Variants in SOX30 observed in about 807,000 individuals in gnomAD.
SOX30 encodes the protein transcription factor SOX-30.
A neutral mutation model predicts 58.6 loss-of-function variants in SOX30; 17 were observed. That is an observed-to-expected ratio of 0.29 (90% confidence interval 0.20 to 0.44). The LOEUF (loss-of-function observed/expected upper bound fraction) is 0.44, where lower values mean the gene tolerates loss of function less well. Among genes scored for constraint, SOX30 ranks in the 20% least tolerant of loss-of-function variants. The pLI, the probability that SOX30 is intolerant of heterozygous loss-of-function variation, is 1.00. For synonymous variants in SOX30, 421 were observed against 400.2 expected, an observed-to-expected ratio of 1.05 and a Z score of -0.62; for missense variants, 951 against 965.8, an observed-to-expected ratio of 0.98 and a Z score of 0.20.
In SOX30 at chr5:157,651,481, C is replaced by A. The variant is rs1455291379; in HGVS notation, c.598G>T (p.Ala200Ser). Residue 200 changes from alanine (A) to serine (S), a missense_variant, in exon 1 of 5, where the codon GCA becomes TCA. Physicochemically the swap from Ala to Ser is moderately conservative, Grantham distance 99. This residue lies in a region of SOX30 where 363 missense variants were observed against 294.5 expected (regional missense o/e 1.23). Coordinates refer to ENST00000265007, the MANE Select transcript of SOX30 (RefSeq NM_178424.2). The stretch of plus-strand genomic sequence containing the variant: ...CGGATGGCTGCCGGGCTTTTGCCTG[C>A]CCCGCCTTGCATCGAGTCTCTCATG... ...EVMRDSMQGG[A>S]GKSPAAIREG... is the part of the protein sequence containing the mutation. 6.2e-7 allele frequency: 1 copy of A among 1,613,342 alleles called. No individual in the cohort carries two copies. The highest frequency in any genetic ancestry group is 1.3e-5 in the African/African-American group (1 of 74,950).
chr5:157,629,429 G>T (rs1338620139), intron 4 of SOX30, among the ~76,000 whole-genome samples: 3 of 152,010 alleles, frequency 2.0e-5, no homozygotes, highest in Non-Finnish European at 4.4e-5. Flanking sequence ...ATAAAATCTA[G>T]GTATATATTA....
chr5:157,636,151 G>A (rs1758921349), intron 4 of SOX30, among the ~76,000 whole-genome samples: 1 of 152,206 alleles, frequency 6.6e-6, no homozygotes, highest in Non-Finnish European at 1.5e-5. Flanking sequence ...AGTAGTAACA[G>A]CTAGAGTGAG....
chr5:157,638,328 G>C lies in SOX30; in HGVS notation c.1782C>G (p.Pro594=), dbSNP rs1415798752. Residue 594 remains proline, a synonymous_variant, in exon 4 of 5, where the codon CCC becomes CCG. Coordinates refer to ENST00000265007, the MANE Select transcript of SOX30 (RefSeq NM_178424.2). ...SPIPHPHVYQ[P]PPLGHPATLF... is the part of the protein sequence containing the mutation. The stretch of plus-strand genomic sequence containing the variant: ...GTGTGGCTGGATGGCCAAGGGGAGG[G>C]GGCTGGTAGACATGTGGGTGTGGAA... The C allele has an allele frequency of 6.2e-7, 1 of 1,612,264 alleles. No homozygotes were observed. The highest frequency in any genetic ancestry group is 8.5e-7 in the Non-Finnish European group (1 of 1,178,922).
intron 1 of SOX30, among the ~76,000 whole-genome samples, chr5:157,650,874 C>T (rs993699708): frequency 6.6e-6 from 1 of 152,194 alleles, no homozygotes; most frequent in South Asian, 2.1e-4. Context: ...TTAGTCCTAT[C>T]TAAATACTGG....
intron 3 of SOX30, among the ~76,000 whole-genome samples, chr5:157,639,038 C>G (rs577898237): frequency 5.1e-4 from 77 of 152,020 alleles, no homozygotes; most frequent in Non-Finnish European, 1.2e-4. Flanking sequence ...AGAAGAGGCC[C>G]TCAACAAATA....
At chr5:157,638,115 G>C in intron 4 of SOX30, 115 bp downstream of exon 4, 3 of 1,076,770 alleles carry the variant, frequency 2.8e-6, no homozygotes, top group Non-Finnish European at 3.9e-6. Context: ...CTAGTCAGCA[G>C]AATTGAAGAA....
rs145022337 is a variant in SOX30 at position 157,638,387 on chromosome 5, G to A, written c.1723C>T (p.Pro575Ser). ...GCCTGGGGGATTGGAGCACTTCTGG[G>A]ACAAGGGGAAACGCTGGAATACTCC... ...PREYSSVSPC[P>S]RSAPIPQASP... Residue 575 changes from proline to serine, a missense_variant, in exon 4 of 5, where the codon CCC becomes TCC. Coordinates refer to ENST00000265007, the MANE Select transcript of SOX30 (RefSeq NM_178424.2). 72 of 1,613,810 alleles carry A rather than the reference G, an allele frequency of 4.5e-5. No homozygotes were observed. The African/African-American group carries it at 8.1e-4, about 18-fold the overall frequency.
In SOX30 at chr5:157,652,119, G is replaced by T. The variant is rs950573994; in HGVS notation, c.-41C>A. ...CCCGGCCAGGATTGTGAGCTCAGCC[G>T]TTTGTTGGCGACCTTCCCCCTCCCC... On this transcript the variant is annotated 5_prime_UTR_variant, in exon 1 of 5. Coordinates refer to ENST00000265007, the MANE Select transcript of SOX30 (RefSeq NM_178424.2). 32 of 1,384,784 alleles carry T rather than the reference G, an allele frequency of 2.3e-5. No individual in the cohort carries two copies. The African/African-American group carries it at 4.1e-4, about 18-fold the overall frequency. The allele number at this position is 1,384,784 out of a possible 1,614,324, so 85.8% of individuals were successfully genotyped here.
intron 2 of SOX30, among the ~76,000 whole-genome samples, chr5:157,660,916 A>T (rs184855426): frequency 6.6e-6 from 1 of 152,228 alleles, no homozygotes; most frequent in South Asian, 2.1e-4. Context: ...CCTTGATGAT[A>T]CTGTATTTTC....
intron 4 of SOX30, among the ~76,000 whole-genome samples, chr5:157,628,369 A>T (rs1372595064): frequency 1.4e-5 from 1 of 69,546 alleles, no homozygotes; most frequent in Non-Finnish European, 2.3e-5. Flanking sequence ...TGGCCTTCAC[A>T]CACACACACA....
rs956036556 is a variant in SOX30 at position 157,651,320 on chromosome 5, C to A, written c.759G>T (p.Pro253=). 1.2e-6 allele frequency: 2 copies of A among 1,613,938 alleles called. No individual in the cohort carries two copies. The highest frequency in any genetic ancestry group is 1.7e-6 in the Non-Finnish European group (2 of 1,180,038). ...AAGGGATCCTAAGGTCTTGCTGGTG[C>A]GGCCCAAAGGCACCGGACGTTGGGG... ...ILAPTSGAFG[P]HQQDLRIPLT... is the part of the protein sequence containing the mutation. The change falls in exon 1 of 5, where the codon CCG becomes CCT. Residue 253 remains proline, a synonymous_variant. Coordinates refer to ENST00000265007, the MANE Select transcript of SOX30 (RefSeq NM_178424.2).
At chr5:157,651,046 C>A in intron 1 of SOX30, 66 bp downstream of exon 1, 1 of 1,241,850 alleles carries the variant, frequency 8.1e-7, no homozygotes, top group Non-Finnish European at 1.1e-6. Context: ...TTGGGAACTG[C>A]TGACAAAACA....
intron 4 of SOX30, among the ~76,000 whole-genome samples, chr5:157,635,650 G>A (rs1010721039): frequency 5.6e-5 from 8 of 144,054 alleles, no homozygotes; most frequent in Admixed American, 2.1e-4. Context: ...CAAAAACAAA[G>A]AACTTACTTT....
At chr5:157,650,666 C>G (rs1274375167) in intron 1 of SOX30, among the ~76,000 whole-genome samples, 3 of 152,106 alleles carry the variant, frequency 2.0e-5, no homozygotes, top group Non-Finnish European at 4.4e-5. Flanking sequence ...TTAAAGATAG[C>G]CTCTATAATC....
intron 3 of SOX30, among the ~76,000 whole-genome samples, chr5:157,642,243 G>T (rs762315400): frequency 1.3e-5 from 2 of 151,706 alleles, no homozygotes; most frequent in Non-Finnish European, 2.9e-5. Flanking sequence ...TTGAACCTGG[G>T]AGGTGGAGGT....
At chr5:157,669,678 G>A (rs1759740296) in intron 1 of SOX30, among the ~76,000 whole-genome samples, 1 of 151,366 alleles carries the variant, frequency 6.6e-6, no homozygotes, top group African/African-American at 2.4e-5. Context: ...TACCACGCCT[G>A]ACTAATTTTT....
chr5:157,667,034 A>G (rs1232806977), intron 2 of SOX30, among the ~76,000 whole-genome samples: 1 of 151,950 alleles, frequency 6.6e-6, no homozygotes, highest in Non-Finnish European at 1.5e-5. Context: ...TCAAAGCTGG[A>G]CTCCAACCCA....
At chr5:157,645,383 G>C (rs757128506) in intron 3 of SOX30, among the ~76,000 whole-genome samples, 12 of 152,148 alleles carry the variant, frequency 7.9e-5, no homozygotes, top group Non-Finnish European at 1.3e-4. Flanking sequence ...AAGAAAGTGG[G>C]CCAGATATGG....
intron 4 of SOX30, among the ~76,000 whole-genome samples, chr5:157,629,711 C>G (rs1187029249): frequency 6.6e-6 from 1 of 152,188 alleles, no homozygotes; most frequent in Non-Finnish European, 1.5e-5. Flanking sequence ...TTCAATATAA[C>G]ACTGAACAAC....
Sources: allele counts gnomAD v4.1 joint callset (sites outside exome capture counted in the v4.1 genomes callset), GRCh38; gene constraint gnomAD v4.1.1; regional missense constraint gnomAD v4.1.1; transcripts MANE v1.5; gene names NCBI Gene and HGNC (gene_info 2026-07-23, HGNC 2026-07-21).